Variants in FBXL17 observed in about 807,000 individuals in gnomAD.
The protein encoded by FBXL17 is F-box/LRR-repeat protein 17.
A neutral mutation model predicts 66.2 loss-of-function variants in FBXL17; 22 were observed. The ratio of observed to expected loss-of-function variants is 0.33; its 90% CI spans 0.24 to 0.47. The LOEUF (loss-of-function observed/expected upper bound fraction) is 0.47, where lower values mean the gene tolerates loss of function less well. Among genes scored for constraint, FBXL17 ranks in the 20% least tolerant of loss-of-function variants. The pLI, the probability that FBXL17 is intolerant of heterozygous loss-of-function variation, is 1.00. For synonymous variants in FBXL17, 474 were observed against 400.5 expected (o/e 1.18, Z -2.19); for missense variants, 878 against 948.2 (o/e 0.93, Z 0.97).
At chr5:108,348,299 C>G in intron 4 of FBXL17, 100 bp downstream of exon 4, 1 of 1,089,600 alleles carries the variant, frequency 9.2e-7, no homozygotes, top group Non-Finnish European at 1.3e-6. Context: ...AGTATTTGAA[C>G]CATCACAAGA....
rs1459727943 is a variant in FBXL17 at position 108,237,053 on chromosome 5, AG to A, written c.1507-12826del. The stretch of plus-strand genomic sequence containing the variant: ...AGACAGCAACGGTGGGCATTGGGAC[AG>A]GTTACTGGTTTAGGGAACCATAAGA... On this transcript the variant is annotated intron_variant, in intron 4 of 8. Transcript: ENST00000542267. Among the ~76,000 whole-genome samples the A allele has an allele frequency of 2.0e-5, 3 of 152,204 alleles. No individual in the cohort carries two copies. In the East Asian group the frequency reaches 5.8e-4, roughly 29 times the overall value.
intron 8 of FBXL17, among the ~76,000 whole-genome samples, chr5:107,871,788 ATAAT>A (rs1748463720): frequency 6.6e-6 from 1 of 152,062 alleles, no homozygotes; most frequent in Non-Finnish European, 1.5e-5. Context: ...CCCTAATAAG[ATAAT>A]TAATATAGTC....
intron 6 of FBXL17, among the ~76,000 whole-genome samples, chr5:108,174,358 T>A (rs145572079): frequency 6.6e-6 from 1 of 152,252 alleles, no homozygotes. Flanking sequence ...TAACATTTTT[T>A]AATTATATTG....
intron 7 of FBXL17, among the ~76,000 whole-genome samples, chr5:107,902,073 C>T (rs1291831789): frequency 1.3e-5 from 2 of 152,156 alleles, no homozygotes; most frequent in African/African-American, 2.4e-5. Context: ...AGAGGAACAT[C>T]GTGAGAGCTA....
At chr5:108,361,666 T>C (rs1376999004) in intron 3 of FBXL17, among the ~76,000 whole-genome samples, 2 of 152,128 alleles carry the variant, frequency 1.3e-5, no homozygotes, top group Admixed American at 6.6e-5. Flanking sequence ...CCATAATCTA[T>C]TGCCCAAAGA....
intron 1 of FBXL17, 77 bp downstream of exon 1, chr5:108,380,622 A>C: frequency 1.1e-6 from 1 of 895,766 alleles, no homozygotes; most frequent in Non-Finnish European, 1.5e-6. Flanking sequence ...GCTTAGGGGG[A>C]GGAGAGAGAA....
At chr5:107,911,772 T>C (rs1749954723) in intron 7 of FBXL17, among the ~76,000 whole-genome samples, 1 of 152,098 alleles carries the variant, frequency 6.6e-6, no homozygotes, top group Admixed American at 6.6e-5. Flanking sequence ...TGTGGCAGAA[T>C]AAGAGAAAAT....
At chr5:108,145,068 C>T (rs1356946177) in intron 6 of FBXL17, among the ~76,000 whole-genome samples, 1 of 152,064 alleles carries the variant, frequency 6.6e-6, no homozygotes, top group African/African-American at 2.4e-5. Context: ...AGTTGCTTCA[C>T]TATCAGTTTC....
At chr5:108,191,583 G>A (rs1354497317) in intron 5 of FBXL17, among the ~76,000 whole-genome samples, 1 of 152,196 alleles carries the variant, frequency 6.6e-6, no homozygotes. Flanking sequence ...TTATCAAATT[G>A]CAGATACTTG....
chr5:107,883,835 A>C (rs921010498), intron 7 of FBXL17, among the ~76,000 whole-genome samples: 5 of 152,182 alleles, frequency 3.3e-5, no homozygotes, highest in Non-Finnish European at 7.3e-5. Flanking sequence ...GGAAATGTGG[A>C]TACATCAGAA....
chr5:107,894,012 T>C (rs928559475), intron 7 of FBXL17, among the ~76,000 whole-genome samples: 3 of 152,272 alleles, frequency 2.0e-5, no homozygotes, highest in Admixed American at 1.3e-4. Flanking sequence ...ATAGAGTAAA[T>C]TAGATTTATT....
intron 7 of FBXL17, among the ~76,000 whole-genome samples, chr5:107,968,227 T>G (rs1448600410): frequency 6.6e-6 from 1 of 152,102 alleles, no homozygotes; most frequent in African/African-American, 2.4e-5. Context: ...TCAGAAAAGT[T>G]ATGTAACTTG....
rs1352445613 is a variant in FBXL17 at position 107,859,905 on chromosome 5, T to C, written c.*1815A>G. 1 of 152,192 alleles carries C rather than the reference T, an allele frequency of 6.6e-6. No individual in the cohort carries two copies. Among genetic ancestry groups the C allele is most frequent in the Non-Finnish European group, 1.5e-5 (1 of 68,012 alleles). 9.4% of individuals were successfully genotyped at this position (152,192 alleles called of 1,614,324 possible). ...TATTTCAGTGGTGGGGAAGTGGATA[T>C]GAAAATGATACAGTTCAATGTGTAA... On this transcript the variant is annotated 3_prime_UTR_variant, in exon 9 of 9. Transcript: ENST00000542267.
At chr5:108,069,279 G>A (rs1441697086) in intron 6 of FBXL17, among the ~76,000 whole-genome samples, 1 of 152,128 alleles carries the variant, frequency 6.6e-6, no homozygotes, top group Non-Finnish European at 1.5e-5. Flanking sequence ...TTGAAAAGGT[G>A]GATATCAAAG....
chr5:108,010,118 A>G (rs1754120064), intron 7 of FBXL17, among the ~76,000 whole-genome samples: 1 of 152,232 alleles, frequency 6.6e-6, no homozygotes, highest in Non-Finnish European at 1.5e-5. Flanking sequence ...TCCAACAAGC[A>G]CTTCAAATGC....
intron 4 of FBXL17, among the ~76,000 whole-genome samples, chr5:108,326,951 C>G (rs1002229246): frequency 6.6e-6 from 1 of 152,140 alleles, no homozygotes; most frequent in African/African-American, 2.4e-5. Context: ...TCCCAAACAA[C>G]TCAGCCAACT....
chr5:108,315,963 T>A (rs185838006), intron 4 of FBXL17, among the ~76,000 whole-genome samples: 1 of 151,492 alleles, frequency 6.6e-6, no homozygotes, highest in African/African-American at 2.4e-5. Flanking sequence ...CAAAACATAA[T>A]TGGAGTCTGA....
intron 6 of FBXL17, among the ~76,000 whole-genome samples, chr5:108,180,517 A>G (rs913738684): frequency 1.7e-4 from 26 of 152,140 alleles, no homozygotes; most frequent in Non-Finnish European, 3.7e-4. Flanking sequence ...AAAAAAAAAA[A>G]GAAAAGAGAA....
intron 7 of FBXL17, among the ~76,000 whole-genome samples, chr5:107,907,804 G>A (rs1749814968): frequency 6.6e-6 from 1 of 152,154 alleles, no homozygotes; most frequent in Non-Finnish European, 1.5e-5. Context: ...AACAAGTGCT[G>A]GAGAGGATGT....
Sources: allele counts gnomAD v4.1 joint callset (sites outside exome capture counted in the v4.1 genomes callset), GRCh38; gene constraint gnomAD v4.1.1; transcripts MANE v1.5; gene names NCBI Gene and HGNC (gene_info 2026-07-23, HGNC 2026-07-21).